Variants in LRP1B observed in about 807,000 individuals in gnomAD.
LRP1B encodes LDL receptor related protein 1B.
Under a neutral mutation model 556.6 loss-of-function variants are expected in LRP1B, and 217 were observed. The ratio of observed to expected loss-of-function variants is 0.39; its 90% CI spans 0.35 to 0.44. LRP1B has a LOEUF of 0.44. LRP1B is among the 20% of genes least tolerant of loss of function. LRP1B has a pLI of 1.00. For missense variants in LRP1B, 5,053 were observed against 5,620.8 expected, an observed-to-expected ratio of 0.90 and a Z score of 3.23; for synonymous variants, 2,047 against 1,865.8, an observed-to-expected ratio of 1.10 and a Z score of -2.50.
intron 3 of LRP1B, among the ~76,000 whole-genome samples, chr2:141,273,640 G>A (rs952683783): frequency 2.0e-4 from 31 of 152,144 alleles, no homozygotes; most frequent in African/African-American, 7.2e-4. Context: ...AAGAAAAAAT[G>A]TGAGTAAATC....
chr2:142,119,639 C>A (rs949048395), intron 1 of LRP1B, among the ~76,000 whole-genome samples: 1 of 152,138 alleles, frequency 6.6e-6, no homozygotes, highest in African/African-American at 2.4e-5. Flanking sequence ...TTAACAGTAA[C>A]AATATTTCCT....
chr2:141,650,870 T>C (rs1689761340), intron 2 of LRP1B, among the ~76,000 whole-genome samples: 1 of 152,234 alleles, frequency 6.6e-6, no homozygotes, highest in African/African-American at 2.4e-5. Flanking sequence ...ACTTAATTTA[T>C]AGTTTAAGAG....
chr2:141,696,969 A>G (rs1247191130), intron 2 of LRP1B, among the ~76,000 whole-genome samples: 1 of 152,024 alleles, frequency 6.6e-6, no homozygotes, highest in Admixed American at 6.6e-5. Context: ...TCTTTTGTGT[A>G]TCATAGAACT....
chr2:140,389,498 C>A (rs1016115041), intron 66 of LRP1B, among the ~76,000 whole-genome samples: 2 of 150,258 alleles, frequency 1.3e-5, no homozygotes, highest in Admixed American at 1.3e-4. Flanking sequence ...TATATGTTAG[C>A]AATAAACAAA....
chr2:141,105,825 A>G (rs925960243), intron 7 of LRP1B, among the ~76,000 whole-genome samples: 1 of 152,148 alleles, frequency 6.6e-6, no homozygotes, highest in African/African-American at 2.4e-5. Flanking sequence ...TTTTGGTCAT[A>G]TGATAGCTAT....
chr2:140,357,408 T>C (rs929323908), intron 74 of LRP1B, among the ~76,000 whole-genome samples: 6 of 151,674 alleles, frequency 4.0e-5, no homozygotes, highest in African/African-American at 1.4e-4. Flanking sequence ...GTAGGAAATA[T>C]TGTGTGACTT....
Position 140,802,828 on chromosome 2 carries a change from A to C in LRP1B, c.5359+10829T>G, listed in dbSNP as rs1011518644. ...CCTATAAATTCAAGACCATTTTTAA[A>C]AACCCTCAAAGGTGCAGTTTTCAAC... On this transcript the variant is annotated intron_variant, in intron 32 of 90. Coordinates refer to ENST00000389484, the MANE Select transcript of LRP1B (RefSeq NM_018557.3). Among the ~76,000 whole-genome samples the C allele has an allele frequency of 5.3e-5, 8 of 152,148 alleles. No individual in the cohort carries two copies. The East Asian group carries it at 1.2e-3, about 22-fold the overall frequency.
At chr2:141,943,800 C>G (rs1460599632) in intron 1 of LRP1B, among the ~76,000 whole-genome samples, 1 of 152,104 alleles carries the variant, frequency 6.6e-6, no homozygotes, top group Non-Finnish European at 1.5e-5. Flanking sequence ...CCTGTCCCAG[C>G]ATCATAATGT....
At chr2:140,524,545 T>C (rs1690336212) in intron 49 of LRP1B, among the ~76,000 whole-genome samples, 1 of 151,872 alleles carries the variant, frequency 6.6e-6, no homozygotes, top group Non-Finnish European at 1.5e-5. Context: ...ATTAAATTAA[T>C]GTAGATGTCC....
intron 43 of LRP1B, among the ~76,000 whole-genome samples, chr2:140,563,361 TATTGCTTAGA>T (rs2105083765): frequency 6.6e-6 from 1 of 152,362 alleles, no homozygotes; most frequent in African/African-American, 2.4e-5. Context: ...TTCATTCTTC[TATTGCTTAGA>T]TAATTCAAGC....
At chr2:140,332,513 GC>G (rs888316802) in intron 79 of LRP1B, among the ~76,000 whole-genome samples, 2 of 152,038 alleles carry the variant, frequency 1.3e-5, no homozygotes. Flanking sequence ...CCTCACTGGT[GC>G]TTTTGTAGTG....
rs536310649 is a variant in LRP1B at position 141,316,290 on chromosome 2, G to T, written c.344-61649C>A. 2.0e-5 allele frequency among the ~76,000 whole-genome samples: 3 copies of T among 152,180 alleles called. 1 individual carries two copies. Among genetic ancestry groups the T allele is most frequent in the African/African-American group, 7.2e-5 (3 of 41,542 alleles). On this transcript the variant is annotated intron_variant, in intron 3 of 90. Coordinates refer to ENST00000389484, the MANE Select transcript of LRP1B (RefSeq NM_018557.3). Reference sequence around the variant, plus strand: ...TTCAAATTAAAAATGAAGCTTGAGGGCTTGATTGCCCTGTCATTTAACAAC... The same window carrying T: ...TTCAAATTAAAAATGAAGCTTGAGGTCTTGATTGCCCTGTCATTTAACAAC...
chr2:140,242,797 G>C (rs1681005984), intron 87 of LRP1B, among the ~76,000 whole-genome samples: 1 of 151,156 alleles, frequency 6.6e-6, no homozygotes, highest in African/African-American at 2.4e-5. Context: ...TGTGACTGCA[G>C]TGGAAAGCAG....
At chr2:140,845,751 A>T (rs1692256204) in intron 29 of LRP1B, among the ~76,000 whole-genome samples, 1 of 152,160 alleles carries the variant, frequency 6.6e-6, no homozygotes, top group Non-Finnish European at 1.5e-5. Context: ...AATATAAAAA[A>T]GTAATTTTTG....
At chr2:141,940,001 AT>A (rs1284837724) in intron 1 of LRP1B, among the ~76,000 whole-genome samples, 2 of 36,484 alleles carry the variant, frequency 5.5e-5, no homozygotes, top group African/African-American at 1.7e-4. Context: ...AAAGTAAGTG[AT>A]AAACATTAAA....
At chr2:140,676,006 C>T (rs887308358) in intron 41 of LRP1B, among the ~76,000 whole-genome samples, 1 of 151,960 alleles carries the variant, frequency 6.6e-6, no homozygotes, top group Non-Finnish European at 1.5e-5. Context: ...TTATGTCAAG[C>T]TGTGAAAAAT....
intron 3 of LRP1B, among the ~76,000 whole-genome samples, chr2:141,437,173 T>C (rs913546773): frequency 1.3e-5 from 2 of 152,104 alleles, no homozygotes; most frequent in African/African-American, 4.8e-5. Flanking sequence ...GATGTATATA[T>C]GACAATAGAA....
At chr2:142,122,403 C>T (rs1707488610) in intron 1 of LRP1B, among the ~76,000 whole-genome samples, 1 of 152,046 alleles carries the variant, frequency 6.6e-6, no homozygotes, top group Non-Finnish European at 1.5e-5. Flanking sequence ...TTCTGAATAT[C>T]TGATATATTT....
At chr2:140,597,738 TC>T (rs1474860237) in intron 43 of LRP1B, among the ~76,000 whole-genome samples, 4 of 152,326 alleles carry the variant, frequency 2.6e-5, no homozygotes, top group Non-Finnish European at 5.9e-5. Flanking sequence ...TTGAATACTG[TC>T]AGGTCTATTC....
Sources: allele counts gnomAD v4.1 joint callset (sites outside exome capture counted in the v4.1 genomes callset), GRCh38; gene constraint gnomAD v4.1.1; transcripts MANE v1.5; gene names NCBI Gene and HGNC (gene_info 2026-07-23, HGNC 2026-07-21).